Variants in CDH9 observed in about 807,000 individuals in gnomAD.
CDH9 encodes cadherin 9.
A neutral mutation model predicts 70.9 loss-of-function variants in CDH9; 28 were observed. The observed-to-expected ratio is 0.40, with a 90% CI of 0.29 to 0.54. The LOEUF is 0.54. Ranked by LOEUF, CDH9 falls within the 20% of genes least tolerant of loss-of-function variation. The pLI, the probability that CDH9 is intolerant of heterozygous loss-of-function variation, is 0.59. For synonymous variants in CDH9, 409 were observed against 343.1 expected, an observed-to-expected ratio of 1.19 and a Z score of -2.12; for missense variants, 874 against 984.4, an observed-to-expected ratio of 0.89 and a Z score of 1.50.
At chr5:27,032,707 G>T (rs1191503343) in intron 1 of CDH9, among the ~76,000 whole-genome samples, 2 of 151,246 alleles carry the variant, frequency 1.3e-5, no homozygotes, top group Non-Finnish European at 3.0e-5. Flanking sequence ...CAAGAAAAAA[G>T]CAATACTATT....
intron 2 of CDH9, among the ~76,000 whole-genome samples, chr5:26,941,111 C>A (rs1741655296): frequency 6.6e-6 from 1 of 152,202 alleles, no homozygotes; most frequent in Non-Finnish European, 1.5e-5. Context: ...TGGCTTCAAA[C>A]AACTTAGGAT....
chr5:27,024,142 A>C (rs1053302569), intron 1 of CDH9, among the ~76,000 whole-genome samples: 1 of 152,034 alleles, frequency 6.6e-6, no homozygotes, highest in Non-Finnish European at 1.5e-5. Context: ...ATTTTTATTA[A>C]TGATGAAAAC....
chr5:27,013,440 C>T (rs917566470), intron 1 of CDH9, among the ~76,000 whole-genome samples: 6 of 151,916 alleles, frequency 3.9e-5, no homozygotes, highest in Admixed American at 1.3e-4. Context: ...CACAAACAAC[C>T]CTAGGTCTCC....
intron 2 of CDH9, among the ~76,000 whole-genome samples, chr5:26,927,059 C>T (rs1293467794): frequency 6.6e-6 from 1 of 151,810 alleles, no homozygotes; most frequent in African/African-American, 2.4e-5. Flanking sequence ...TTTATCATGT[C>T]CAAGTGGGGT....
rs147182231 is a variant in CDH9 at position 26,881,280 on chromosome 5, C to T, written c.2226G>A (p.Gly742=). The part of the protein sequence containing the change: ...YDSLATYAYE[G]NDSIADSLSS... ...TGAGCGAATCTGCTATGGAATCATT[C>T]CCTTCATAGGCATACGTTGCCAGCG... The change falls in exon 12 of 12, where the codon GGG becomes GGA. Residue 742 remains glycine, a synonymous_variant. Transcript: ENST00000231021. 1 of 1,613,364 alleles carries T rather than the reference C, an allele frequency of 6.2e-7. No individual in the cohort carries two copies. Among genetic ancestry groups the T allele is most frequent in the Non-Finnish European group, 8.5e-7 (1 of 1,179,464 alleles).
intron 1 of CDH9, among the ~76,000 whole-genome samples, chr5:26,998,849 C>G (rs1162161881): frequency 1.3e-5 from 2 of 152,056 alleles, no homozygotes; most frequent in Non-Finnish European, 2.9e-5. Flanking sequence ...GTGGACTTCC[C>G]TTAAGATTAC....
intron 1 of CDH9, among the ~76,000 whole-genome samples, chr5:26,992,126 A>G (rs375188763): frequency 6.8e-4 from 104 of 152,240 alleles, no homozygotes; most frequent in Admixed American, 2.0e-3. Context: ...TCACAATAGG[A>G]TTTGCATTCC....
chr5:27,007,773 C>T (rs1294220230), intron 1 of CDH9, among the ~76,000 whole-genome samples: 3 of 152,044 alleles, frequency 2.0e-5, no homozygotes, highest in African/African-American at 7.2e-5. Context: ...AAGTAATACA[C>T]ATACAAGGTA....
chr5:26,900,432 C>T (rs541440323), intron 7 of CDH9, among the ~76,000 whole-genome samples: 1 of 152,144 alleles, frequency 6.6e-6, no homozygotes, highest in South Asian at 2.1e-4. Context: ...GCAAAAGTGA[C>T]TAAGTGGCTA....
chr5:26,905,960 C>T lies in CDH9; in HGVS notation c.810G>A (p.Gln270=). 1 of 1,612,390 alleles carries T rather than the reference C, an allele frequency of 6.2e-7. No individual in the cohort carries two copies. The highest frequency in any genetic ancestry group is 8.5e-7 in the Non-Finnish European group (1 of 1,178,784). ...TGAGATCACTGAAACATTTCTTACT[C>T]TGGGGAAATCGAGGAGGGTTGTTGT... ...DVNNNPPRFP[Q]STYQFNSPES... is the part of the protein sequence containing the mutation. Residue 270 remains glutamine (Q), a splice_region_variant and synonymous_variant, in exon 5 of 12, where the codon CAG becomes CAA. Coordinates refer to ENST00000231021, the MANE Select transcript of CDH9 (RefSeq NM_016279.4).
At chr5:26,939,818 A>G (rs1741627745) in intron 2 of CDH9, among the ~76,000 whole-genome samples, 1 of 152,148 alleles carries the variant, frequency 6.6e-6, no homozygotes, top group South Asian at 2.1e-4. Context: ...CTTTTTCCCT[A>G]TCATTAAGTA....
At chr5:26,992,601 GA>G (rs931294810) in intron 1 of CDH9, among the ~76,000 whole-genome samples, 1 of 152,170 alleles carries the variant, frequency 6.6e-6, no homozygotes, top group African/African-American at 2.4e-5. Context: ...ATTAGTACCA[GA>G]AGTGGGTTGC....
At position 26,973,805 on chromosome 5, in the gene CDH9, A is replaced by T. The variant is rs1215499603; in HGVS notation, c.228+14301T>A. Among the ~76,000 whole-genome samples, 7 of 152,180 alleles carry T rather than the reference A, an allele frequency of 4.6e-5. No individual in the cohort carries two copies. The East Asian group carries it at 1.3e-3, about 29-fold the overall frequency. ...GTTTACAATGCCTTTTTATATTTTA[A>T]AATGCAGTGAAACATCAACAAAACA... On this transcript the variant is annotated intron_variant, in intron 2 of 11. Transcript: ENST00000231021.
chr5:26,918,504 C>T (rs984697056), intron 2 of CDH9, among the ~76,000 whole-genome samples: 4 of 152,156 alleles, frequency 2.6e-5, no homozygotes, highest in African/African-American at 9.6e-5. Context: ...AATATTTCCT[C>T]TTTTTAAAAC....
intron 2 of CDH9, among the ~76,000 whole-genome samples, chr5:26,962,690 G>C (rs1439641049): frequency 6.6e-6 from 1 of 151,982 alleles, no homozygotes; most frequent in Non-Finnish European, 1.5e-5. Flanking sequence ...TCACTCTCAT[G>C]CCTCTCCACA....
intron 2 of CDH9, among the ~76,000 whole-genome samples, chr5:26,987,659 T>C (rs1325542049): frequency 1.3e-5 from 2 of 152,056 alleles, no homozygotes; most frequent in Admixed American, 6.6e-5. Context: ...CTTGTCTTTA[T>C]CCTTCTGCCT....
At chr5:26,912,697 T>A (rs1741074898) in intron 3 of CDH9, among the ~76,000 whole-genome samples, 1 of 152,034 alleles carries the variant, frequency 6.6e-6, no homozygotes, top group Non-Finnish European at 1.5e-5. Context: ...AGATTTTGAA[T>A]AATAAATAAT....
At chr5:27,009,098 TC>T (rs1163455219) in intron 1 of CDH9, among the ~76,000 whole-genome samples, 2 of 152,130 alleles carry the variant, frequency 1.3e-5, no homozygotes, top group African/African-American at 4.8e-5. Context: ...TGAGAATGAT[TC>T]TTTCTCCCGC....
chr5:26,974,703 C>T (rs572818207), intron 2 of CDH9, among the ~76,000 whole-genome samples: 49 of 151,954 alleles, frequency 3.2e-4, no homozygotes, highest in Non-Finnish European at 6.5e-4. Context: ...ATGACAAATA[C>T]AAAATGTATC....
Sources: gnomAD v4.1 joint callset for allele counts (sites outside exome capture counted in the v4.1 genomes callset) on GRCh38, gnomAD v4.1.1 for gene constraint, MANE v1.5 for transcripts, NCBI Gene and HGNC (gene_info 2026-07-23, HGNC 2026-07-21) for gene names.